Variants in HS6ST3 observed in about 807,000 individuals in gnomAD.
The protein encoded by HS6ST3 is heparan-sulfate 6-O-sulfotransferase 3.
Under a neutral mutation model 36.7 loss-of-function variants are expected in HS6ST3, and 12 were observed. The ratio of observed to expected loss-of-function variants is 0.33; its 90% CI spans 0.21 to 0.53. The LOEUF is 0.53. Ranked by LOEUF, HS6ST3 falls within the 20% of genes least tolerant of loss-of-function variation. The pLI, the probability that HS6ST3 is intolerant of heterozygous loss-of-function variation, is 0.95. For missense variants in HS6ST3, 584 were observed against 640.9 expected (o/e 0.91, Z 0.96); for synonymous variants, 240 against 257.5 (o/e 0.93, Z 0.65).
At chr13:96,555,188 C>G (rs752607327) in intron 1 of HS6ST3, among the ~76,000 whole-genome samples, 1 of 151,994 alleles carries the variant, frequency 6.6e-6, no homozygotes, top group Non-Finnish European at 1.5e-5. Flanking sequence ...TTTAAGTGTT[C>G]TCAACACAAA....
At chr13:96,191,125 G>C (rs1416746103) in intron 1 of HS6ST3, among the ~76,000 whole-genome samples, 1 of 152,098 alleles carries the variant, frequency 6.6e-6, no homozygotes, top group Non-Finnish European at 1.5e-5. Context: ...AAACTTCTCA[G>C]TTTTACCCAC....
intron 1 of HS6ST3, among the ~76,000 whole-genome samples, chr13:96,168,713 A>G (rs2054172688): frequency 6.6e-6 from 1 of 150,588 alleles, no homozygotes; most frequent in Non-Finnish European, 1.5e-5. Flanking sequence ...AAAAATTACT[A>G]TTTTAGAATA....
intron 1 of HS6ST3, among the ~76,000 whole-genome samples, chr13:96,366,980 T>C (rs186357171): frequency 5.9e-5 from 9 of 152,174 alleles, no homozygotes; most frequent in Admixed American, 3.9e-4. Context: ...CCTTCTGCCG[T>C]GACAGTGAGG....
intron 1 of HS6ST3, among the ~76,000 whole-genome samples, chr13:96,567,413 C>A (rs1000550659): frequency 6.6e-5 from 10 of 152,128 alleles, no homozygotes; most frequent in Non-Finnish European, 1.3e-4. Context: ...TGGCATCAGA[C>A]TTCCCATCAG....
intron 1 of HS6ST3, among the ~76,000 whole-genome samples, chr13:96,449,143 A>T (rs1411989547): frequency 6.6e-6 from 1 of 151,968 alleles, no homozygotes; most frequent in Non-Finnish European, 1.5e-5. Context: ...TAAATTTTTC[A>T]TTGAGACCAG....
At chr13:96,420,408 T>G (rs897316736) in intron 1 of HS6ST3, among the ~76,000 whole-genome samples, 1 of 152,200 alleles carries the variant, frequency 6.6e-6, no homozygotes, top group Middle Eastern at 3.2e-3. Flanking sequence ...CCTGTTTCTT[T>G]GTCAGATTCA....
intron 1 of HS6ST3, among the ~76,000 whole-genome samples, chr13:96,555,028 T>G (rs183277341): frequency 4.6e-5 from 7 of 152,048 alleles, no homozygotes; most frequent in African/African-American, 1.7e-4. Flanking sequence ...TGCAGTGAGC[T>G]GTGGTCATGC....
intron 1 of HS6ST3, among the ~76,000 whole-genome samples, chr13:96,280,395 T>C (rs183996488): frequency 6.6e-5 from 10 of 152,118 alleles, no homozygotes; most frequent in African/African-American, 2.2e-4. Flanking sequence ...ATCAGCAAAG[T>C]GATATGTAAC....
intron 1 of HS6ST3, among the ~76,000 whole-genome samples, chr13:96,180,844 A>G (rs2054236452): frequency 6.6e-6 from 1 of 152,176 alleles, no homozygotes; most frequent in South Asian, 2.1e-4. Context: ...AAAGTAACAA[A>G]CATCATCCAT....
intron 1 of HS6ST3, among the ~76,000 whole-genome samples, chr13:96,733,759 G>A (rs923779936): frequency 4.6e-5 from 7 of 152,102 alleles, no homozygotes; most frequent in African/African-American, 1.7e-4. Context: ...GTGAGCTCTG[G>A]ACTTACTCCT....
intron 1 of HS6ST3, among the ~76,000 whole-genome samples, chr13:96,640,232 A>T (rs574619626): frequency 6.6e-6 from 1 of 151,618 alleles, no homozygotes; most frequent in South Asian, 2.1e-4. Flanking sequence ...CCAGCATGTT[A>T]TTTTTTGATT....
intron 1 of HS6ST3, among the ~76,000 whole-genome samples, chr13:96,239,459 G>A (rs1032344776): frequency 6.6e-6 from 1 of 152,144 alleles, no homozygotes; most frequent in Non-Finnish European, 1.5e-5. Context: ...ATCCATAAAA[G>A]CAATTATAAC....
chr13:96,640,439 A>C (rs2056566524), intron 1 of HS6ST3, among the ~76,000 whole-genome samples: 1 of 151,780 alleles, frequency 6.6e-6, no homozygotes, highest in Non-Finnish European at 1.5e-5. Context: ...TCAATTATTT[A>C]ATTTCCTTAT....
chr13:96,416,009 A>G (rs1031680617), intron 1 of HS6ST3, among the ~76,000 whole-genome samples: 3 of 152,218 alleles, frequency 2.0e-5, no homozygotes, highest in Non-Finnish European at 4.4e-5. Context: ...TGGGGCAGGA[A>G]AAGGAGAAGC....
intron 1 of HS6ST3, among the ~76,000 whole-genome samples, chr13:96,229,437 G>T (rs1353452522): frequency 1.3e-5 from 2 of 152,184 alleles, no homozygotes; most frequent in African/African-American, 4.8e-5. Context: ...TAAGGTGCTG[G>T]TGGATTTGGT....
intron 1 of HS6ST3, among the ~76,000 whole-genome samples, chr13:96,735,027 G>T (rs1461933303): frequency 6.6e-6 from 1 of 152,100 alleles, no homozygotes; most frequent in African/African-American, 2.4e-5. Flanking sequence ...TTTGGATGCT[G>T]GATTTTGACA....
intron 1 of HS6ST3, among the ~76,000 whole-genome samples, chr13:96,747,866 T>C (rs1411006728): frequency 6.6e-6 from 1 of 152,016 alleles, no homozygotes; most frequent in Non-Finnish European, 1.5e-5. Context: ...TGGGAATGCA[T>C]TCCCATATGA....
rs1878825942 is a variant in HS6ST3 at position 96,832,592 on chromosome 13, G to C, written c.810G>C (p.Met270Ile). ...CCACTTGGAAAACCTCTCTTCATAT[G>C]TGTGATGGAAGAAGCCCCACCCCAG... is the stretch of plus-strand genomic sequence containing the variant. The part of the protein sequence containing the change: ...RGATWKTSLH[M>I]CDGRSPTPDE... Residue 270 changes from methionine (M) to isoleucine (I), a missense_variant, in exon 2 of 2, where the codon ATG (methionine) becomes ATC (isoleucine). This residue lies in a region of HS6ST3 where 360 missense variants were observed against 411.3 expected (regional missense o/e 0.88). Coordinates refer to ENST00000376705, the MANE Select transcript of HS6ST3 (RefSeq NM_153456.4). The C allele has an allele frequency of 2.4e-5, 39 of 1,614,118 alleles. No homozygotes were observed. The highest frequency in any genetic ancestry group is 3.3e-5 in the Non-Finnish European group (39 of 1,179,992).
chr13:96,095,790 G>C (rs902162017), intron 1 of HS6ST3, among the ~76,000 whole-genome samples: 2 of 151,782 alleles, frequency 1.3e-5, no homozygotes, highest in Non-Finnish European at 2.9e-5. Context: ...TATTCTTTCA[G>C]TCAATCATTG....
Sources: allele counts gnomAD v4.1 joint callset (sites outside exome capture counted in the v4.1 genomes callset), GRCh38; gene constraint gnomAD v4.1.1; regional missense constraint gnomAD v4.1.1; transcripts MANE v1.5; gene names NCBI Gene and HGNC (gene_info 2026-07-23, HGNC 2026-07-21).